CLPTM1L: variants seen among roughly 807,000 people sequenced by gnomAD.
CLPTM1L encodes the protein CLPTM1 like, also known as lipid scramblase CLPTM1L.
A neutral mutation model predicts 70.9 loss-of-function variants in CLPTM1L; 38 were observed. That is an observed-to-expected ratio of 0.54 (90% CI 0.41 to 0.70). The LOEUF is 0.70. CLPTM1L is among the 30% of genes least tolerant of loss of function. The pLI is 0.00. For missense variants in CLPTM1L, 652 were observed against 705.9 expected (o/e 0.92, Z 0.87); for synonymous variants, 339 against 299.9 (o/e 1.13, Z -1.35).
intron 2 of CLPTM1L, among the ~76,000 whole-genome samples, chr5:1,343,862 G>T (rs767921263): frequency 1.3e-5 from 2 of 152,212 alleles, no homozygotes; most frequent in Non-Finnish European, 2.9e-5. Context: ...CATGTCAGAT[G>T]TAATTTTTAA....
In CLPTM1L at chr5:1,342,592, T is replaced by TAA. The variant is rs1222290672; in HGVS notation, c.264-734_264-733dup. On this transcript the variant is annotated intron_variant, in intron 2 of 16. Coordinates refer to ENST00000320895, the MANE Select transcript of CLPTM1L (RefSeq NM_030782.5). This position sits in a 1 kb window ranked among gnomAD's most constrained non-coding sequence, Gnocchi z 4.3. ...GGTTACATGAGTTCTTCTTCCTCTTTAAAAGTCTCTTTTTTGAGACAAGGT... is the reference window on the plus strand; with the variant it reads ...GGTTACATGAGTTCTTCTTCCTCTTTAAAAAAGTCTCTTTTTTGAGACAAGGT... Among the ~76,000 whole-genome samples, 2 of 152,230 alleles carry TAA rather than the reference T, an allele frequency of 1.3e-5. No individual in the cohort carries two copies. The highest frequency in any genetic ancestry group is 2.9e-5 in the Non-Finnish European group (2 of 68,036).
intron 5 of CLPTM1L, 147 bp from the exon 6 acceptor site, chr5:1,335,321 C>T (rs1257779080): frequency 7.3e-6 from 5 of 688,874 alleles, no homozygotes; most frequent in African/African-American, 1.8e-5. Context: ...TCCCCCGGTC[C>T]CTCCTTCTGT....
chr5:1,334,791 T>A (rs1178259211), intron 6 of CLPTM1L, among the ~76,000 whole-genome samples: 2 of 148,164 alleles, frequency 1.3e-5, no homozygotes, highest in African/African-American at 5.0e-5. Context: ...ACAATAAAAA[T>A]AAATCTCATC....
At chr5:1,325,439 A>G in intron 10 of CLPTM1L, 1 of 431,770 alleles carries the variant, frequency 2.3e-6, no homozygotes. Context: ...CAGCCTCGGG[A>G]GCGCCTCTGG....
Position 1,321,808 on chromosome 5 carries a change from A to G in CLPTM1L, c.1327T>C (p.Phe443Leu), listed in dbSNP as rs747988489. 2 of 1,613,976 alleles carry G rather than the reference A, an allele frequency of 1.2e-6. No homozygotes were observed. The highest frequency in any genetic ancestry group is 1.7e-6 in the Non-Finnish European group (2 of 1,179,926). The change falls in exon 14 of 17, where the codon TTT becomes CTT. Residue 443 changes from phenylalanine to leucine, a missense_variant. Physicochemically the swap from Phe to Leu is conservative, Grantham distance 22. This residue lies in a region of CLPTM1L where 240 missense variants were observed against 295.0 expected (regional missense o/e 0.81). Transcript: ENST00000320895. Reference sequence around the variant, plus strand: ...TGGGGCAGCATGAAGAGGAAACCAAAGGCATAGACCCCTGCAGAAAGACAG... The same window carrying G: ...TGGGGCAGCATGAAGAGGAAACCAAGGGCATAGACCCCTGCAGAAAGACAG... ...INSFVNGVYAFGFLFMLPQLF... is the reference protein window; with the variant it reads ...INSFVNGVYALGFLFMLPQLF...
intron 16 of CLPTM1L, among the ~76,000 whole-genome samples, chr5:1,319,175 C>G (rs1752002601): frequency 6.6e-6 from 1 of 152,166 alleles, no homozygotes; most frequent in African/African-American, 2.4e-5. Flanking sequence ...GTCCGGGGCT[C>G]CGTGGCTTGG....
At chr5:1,325,914 G>A in intron 9 of CLPTM1L, 98 bp from the exon 10 acceptor site, 1 of 989,904 alleles carries the variant, frequency 1.0e-6, no homozygotes. Flanking sequence ...TGCTGCCCAT[G>A]GCCCCGCGCA....
At chr5:1,319,375 C>T (rs973299146) in intron 16 of CLPTM1L, among the ~76,000 whole-genome samples, 5 of 150,460 alleles carry the variant, frequency 3.3e-5, no homozygotes, top group African/African-American at 9.8e-5. Context: ...GGGCAGCCGG[C>T]GGCCAGGCCT....
chr5:1,326,869 C>T (rs1752609369), intron 9 of CLPTM1L, among the ~76,000 whole-genome samples: 1 of 151,028 alleles, frequency 6.6e-6, no homozygotes, highest in Admixed American at 6.6e-5. Context: ...AGCTCCTCCT[C>T]GACAGACACA....
chr5:1,331,693 G>T (rs538224811), intron 8 of CLPTM1L, 106 bp downstream of exon 8: 2 of 945,462 alleles, frequency 2.1e-6, no homozygotes, highest in Non-Finnish European at 3.4e-6. Context: ...GCACACACCC[G>T]GGGCTGTGTC....
intron 9 of CLPTM1L, 69 bp downstream of exon 9, chr5:1,330,211 T>A: frequency 7.6e-7 from 1 of 1,319,250 alleles, no homozygotes; most frequent in Non-Finnish European, 1.1e-6. Context: ...GTCCCGGGGC[T>A]GAAAGCCTTT....
intron 3 of CLPTM1L, among the ~76,000 whole-genome samples, chr5:1,341,269 G>A (rs2111257454): frequency 6.6e-6 from 1 of 152,290 alleles, no homozygotes; most frequent in African/African-American, 2.4e-5. Context: ...TAAACATCTA[G>A]GAATAGCCCA....
intron 15 of CLPTM1L, 135 bp from the exon 16 acceptor site, chr5:1,320,866 A>C: frequency 1.8e-6 from 1 of 556,368 alleles, no homozygotes; most frequent in Non-Finnish European, 3.3e-6. Flanking sequence ...CAACAACAAA[A>C]AGAGCAGAAA....
intron 11 of CLPTM1L, among the ~76,000 whole-genome samples, chr5:1,324,490 G>A (rs753122693): frequency 6.6e-6 from 1 of 152,252 alleles, no homozygotes; most frequent in Non-Finnish European, 1.5e-5. Flanking sequence ...CAGCTGCCTG[G>A]CGAATGTGAC....
In CLPTM1L at chr5:1,318,712, G is replaced by A. The variant is rs997396985; in HGVS notation, c.1533-259C>T. The stretch of plus-strand genomic sequence containing the variant: ...CGAAGGGACGACCCGGAGGCTGCAC[G>A]GGCTGCCATGGCTGAAGGGGGGACC... On this transcript the variant is annotated intron_variant, in intron 16 of 16. Transcript: ENST00000320895. The surrounding 1 kb of genome is among the most constrained non-coding windows in gnomAD (Gnocchi z 8.9). Among the ~76,000 whole-genome samples, 2 of 152,004 alleles carry A rather than the reference G, an allele frequency of 1.3e-5. No individual in the cohort carries two copies. Among genetic ancestry groups the A allele is most frequent in the African/African-American group, 4.8e-5 (2 of 41,386 alleles).
rs746276040 is a variant in CLPTM1L at position 1,344,462 on chromosome 5, G to A, written c.163-11C>T. ...GGTGTACACGCTCAGCTGGAAAGGA[G>A]GGGGCGTCGAGAGTCAGCTCGGCCA... On this transcript the variant is annotated splice_polypyrimidine_tract_variant and intron_variant, in intron 1 of 16. Coordinates refer to ENST00000320895, the MANE Select transcript of CLPTM1L (RefSeq NM_030782.5). The A allele has an allele frequency of 1.9e-6, 3 of 1,610,608 alleles. No individual in the cohort carries two copies. The highest frequency in any genetic ancestry group is 2.5e-6 in the Non-Finnish European group (3 of 1,177,266).
chr5:1,320,871 C>G, intron 15 of CLPTM1L, 140 bp from the exon 16 acceptor site: 4 of 557,054 alleles, frequency 7.2e-6, no homozygotes, highest in Non-Finnish European at 1.3e-5. Context: ...ACAAAAAGAG[C>G]AGAAAGCCGG....
chr5:1,321,570 TG>T, intron 15 of CLPTM1L, 64 bp downstream of exon 15: 2 of 1,446,494 alleles, frequency 1.4e-6, no homozygotes, highest in South Asian at 1.1e-5. Flanking sequence ...TGCTGTTGGC[TG>T]GAAGACGCCC....
rs1753754520 is a variant in CLPTM1L, at chr5:1,338,868, G to A, written c.591C>T (p.Tyr197=). ...TCTGGGGCCCCACTTACATCTTCAT[G>A]TACCGATGCACATCGGCAGGCAGGG... ...GSSLPADVHR[Y]MKMIQLGKTV... The change falls in exon 4 of 17, where the codon TAC becomes TAT. Residue 197 remains tyrosine, a synonymous_variant. Coordinates refer to ENST00000320895, the MANE Select transcript of CLPTM1L (RefSeq NM_030782.5). The A allele has an allele frequency of 1.2e-6, 2 of 1,613,172 alleles. No homozygotes were observed. Among genetic ancestry groups the A allele is most frequent in the South Asian group, 2.2e-5 (2 of 91,094 alleles).
Sources: allele counts gnomAD v4.1 joint callset (sites outside exome capture counted in the v4.1 genomes callset), GRCh38; gene constraint gnomAD v4.1.1; regional missense constraint gnomAD v4.1.1; non-coding constraint Gnocchi (gnomAD v3.1); transcripts MANE v1.5; gene names NCBI Gene and HGNC (gene_info 2026-07-23, HGNC 2026-07-21).